Variants in ZNF875 observed in about 807,000 individuals in gnomAD.
The protein encoded by ZNF875 is HKR1, GLI-Kruppel zinc finger family member.
A neutral mutation model predicts 11.2 loss-of-function variants in ZNF875; 14 were observed. The observed-to-expected ratio is 1.26, with a 90% CI of 0.83 to 1.96. ZNF875 has a LOEUF of 1.96. Ranked by LOEUF, ZNF875 falls within the 30% of genes most tolerant of loss-of-function variation. The pLI is 0.00. For synonymous variants in ZNF875, 301 were observed against 281.1 expected (o/e 1.07, Z -0.71); for missense variants, 752 against 760.4 (o/e 0.99, Z 0.13).
In ZNF875 at chr19:37,362,979, G is replaced by A. The variant is rs117126119; in HGVS notation, c.1127G>A (p.Arg376His). ...YVCRECGRGF[R>H]QHSHLVRHKR... is the part of the protein sequence containing the mutation. ...TGCAGGGAATGTGGGCGTGGCTTTC[G>A]CCAGCATTCACACCTGGTCAGACAC... Residue 376 changes from arginine to histidine, a missense_variant, in exon 5 of 5, where the codon CGC becomes CAC. By Grantham distance (29) the Arg-to-His change is conservative (BLOSUM62 0). Transcript: ENST00000392153. 2.1e-4 allele frequency: 334 copies of A among 1,614,060 alleles called. No individual in the cohort carries two copies. Among genetic ancestry groups the A allele is most frequent in the Non-Finnish European group, 2.7e-4 (317 of 1,180,010 alleles).
chr19:37,348,200 T>C (rs2037191278), intron 4 of ZNF875, among the ~76,000 whole-genome samples: 1 of 152,228 alleles, frequency 6.6e-6, no homozygotes, highest in Admixed American at 6.5e-5. Flanking sequence ...CACTTCTAGA[T>C]ACTTTCTAGC....
intron 1 of ZNF875, among the ~76,000 whole-genome samples, chr19:37,320,496 T>C (rs1180200003): frequency 6.6e-6 from 1 of 152,240 alleles, no homozygotes; most frequent in African/African-American, 2.4e-5. Flanking sequence ...ACACTATTAC[T>C]ATGTCAGGAA....
chr19:37,314,768 A>G (rs967062793), upstream of ZNF875: 5 of 149,216 alleles, frequency 3.4e-5, no homozygotes, highest in African/African-American at 1.2e-4. Context: ...AAAAAAAAAA[A>G]GAAGAAGAAG....
chr19:37,322,555 T>A (rs2145692361), intron 2 of ZNF875, among the ~76,000 whole-genome samples: 1 of 152,358 alleles, frequency 6.6e-6, no homozygotes, highest in East Asian at 1.9e-4. Context: ...ACTCTGGCTT[T>A]ATTTATTAGC....
intron 1 of ZNF875, among the ~76,000 whole-genome samples, chr19:37,321,812 T>C (rs1307946049): frequency 6.6e-6 from 1 of 152,112 alleles, no homozygotes; most frequent in African/African-American, 2.4e-5. Context: ...ATTCTGCCTC[T>C]CAAAGGGAGG....
chr19:37,362,796 G>T lies in ZNF875; in HGVS notation c.944G>T (p.Cys315Phe). The T allele has an allele frequency of 6.2e-7, 1 of 1,614,090 alleles. No individual in the cohort carries two copies. The highest frequency in any genetic ancestry group is 8.5e-7 in the Non-Finnish European group (1 of 1,179,992). Residue 315 changes from cysteine to phenylalanine, a missense_variant, in exon 5 of 5, where the codon TGT (cysteine) becomes TTT (phenylalanine). By Grantham distance (205) the Cys-to-Phe change is radical. Coordinates refer to ENST00000392153, the MANE Select transcript of ZNF875 (RefSeq NM_001353803.2). ...SGEKPYVCKDCGRGFTWKSNL... is the reference protein window; with the variant it reads ...SGEKPYVCKDFGRGFTWKSNL... The stretch of plus-strand genomic sequence containing the variant: ...GAGAAACCTTATGTGTGCAAGGATT[G>T]TGGACGAGGCTTTACTTGGAAGTCG...
chr19:37,336,824 C>T (rs996198559), intron 2 of ZNF875, among the ~76,000 whole-genome samples: 1 of 151,902 alleles, frequency 6.6e-6, no homozygotes, highest in Non-Finnish European at 1.5e-5. Flanking sequence ...AGGAGAATCG[C>T]TTGAACCTGG....
upstream of ZNF875, chr19:37,334,474 T>A: frequency 3.1e-6 from 1 of 320,660 alleles, no homozygotes; most frequent in Non-Finnish European, 6.3e-6. Flanking sequence ...TTGGGCATCT[T>A]AAGAGTGGGT....
At chr19:37,319,466 A>G (rs2030918314) in intron 1 of ZNF875, among the ~76,000 whole-genome samples, 2 of 151,194 alleles carry the variant, frequency 1.3e-5, no homozygotes, top group Admixed American at 1.3e-4. Context: ...TGAATGAGAC[A>G]CCTATAGGCG....
At chr19:37,326,533 C>G (rs1268265131) in intron 4 of ZNF875, among the ~76,000 whole-genome samples, 1 of 151,662 alleles carries the variant, frequency 6.6e-6, no homozygotes, top group Non-Finnish European at 1.5e-5. Context: ...GCCTTTTTGT[C>G]TTGGTTGGGT....
chr19:37,326,859 A>C (rs1170916853), intron 4 of ZNF875, among the ~76,000 whole-genome samples: 2 of 151,696 alleles, frequency 1.3e-5, no homozygotes, highest in African/African-American at 4.8e-5. Context: ...GTAGAGCCAG[A>C]GTTTTGCCAT....
chr19:37,343,173 C>T (rs1044760544), intron 2 of ZNF875, among the ~76,000 whole-genome samples: 2 of 151,850 alleles, frequency 1.3e-5, no homozygotes, highest in African/African-American at 4.8e-5. Context: ...CCCGTCTCTA[C>T]TAAAAATACA....
chr19:37,325,550 C>T, intron 4 of ZNF875, among the ~76,000 whole-genome samples: 1 of 146,522 alleles, frequency 6.8e-6, no homozygotes, highest in East Asian at 2.0e-4. Flanking sequence ...AAATCATTTA[C>T]TTTTTTTTTT....
At chr19:37,321,752 T>C (rs1599861122) in intron 1 of ZNF875, among the ~76,000 whole-genome samples, 1 of 152,112 alleles carries the variant, frequency 6.6e-6, no homozygotes, top group Non-Finnish European at 1.5e-5. Context: ...GAGTGATCTT[T>C]TATGAGGTAG....
At chr19:37,344,988 T>C (rs2036498362) in intron 2 of ZNF875, 2 of 515,320 alleles carry the variant, frequency 3.9e-6, no homozygotes, top group African/African-American at 3.9e-5. Flanking sequence ...GCCTTGTACA[T>C]TGAACACTCA....
At chr19:37,321,681 C>T (rs2145678957) in intron 1 of ZNF875, among the ~76,000 whole-genome samples, 1 of 152,280 alleles carries the variant, frequency 6.6e-6, no homozygotes, top group South Asian at 2.1e-4. Flanking sequence ...CCATCCCTTT[C>T]ACCTGGCAGC....
At chr19:37,313,470 CCA>C (rs1288031696), upstream of ZNF875, among the ~76,000 whole-genome samples, 1 of 152,106 alleles carries the variant, frequency 6.6e-6, no homozygotes, top group Non-Finnish European at 1.5e-5. Context: ...CAGATTGATT[CCA>C]CACTCTCTCA....
At chr19:37,338,542 C>G (rs541062147) in intron 2 of ZNF875, among the ~76,000 whole-genome samples, 4 of 152,298 alleles carry the variant, frequency 2.6e-5, no homozygotes, top group African/African-American at 9.6e-5. Context: ...CCTTCATTCT[C>G]AGTAGGTCTA....
At chr19:37,360,733 C>G (rs2039755566) in intron 4 of ZNF875, among the ~76,000 whole-genome samples, 1 of 152,122 alleles carries the variant, frequency 6.6e-6, no homozygotes, top group African/African-American at 2.4e-5. Flanking sequence ...TGGCCTCAAG[C>G]AATCCTCCCA....
Sources: allele counts gnomAD v4.1 joint callset (sites outside exome capture counted in the v4.1 genomes callset), GRCh38; gene constraint gnomAD v4.1.1; transcripts MANE v1.5; gene names NCBI Gene and HGNC (gene_info 2026-07-23, HGNC 2026-07-21).